TMEM161B: variants seen among roughly 807,000 people sequenced by gnomAD.
TMEM161B encodes the protein transmembrane protein 161B.
TMEM161B carries 34 observed loss-of-function variants against 61.8 expected under a neutral mutation model. That is an observed-to-expected ratio of 0.55 (90% CI 0.42 to 0.73). TMEM161B has a LOEUF of 0.73. TMEM161B is among the 30% of genes least tolerant of loss of function. TMEM161B has a pLI of 0.00. For missense variants in TMEM161B, 456 were observed against 558.5 expected (o/e 0.82, Z 1.85); for synonymous variants, 167 against 192.8 (o/e 0.87, Z 1.11).
intron 1 of TMEM161B, among the ~76,000 whole-genome samples, chr5:88,245,430 G>C (rs1333054801): frequency 6.6e-6 from 1 of 151,868 alleles, no homozygotes; most frequent in Non-Finnish European, 1.5e-5. Flanking sequence ...TGGTCTACCT[G>C]AGATTACAGA....
rs180986153 is a variant in TMEM161B at position 88,222,258 on chromosome 5, G to A, written c.290-1539C>T. 2.0e-4 allele frequency among the ~76,000 whole-genome samples: 31 copies of A among 152,148 alleles called. 1 individual carries two copies. The highest frequency in any genetic ancestry group is 6.0e-4 in the African/African-American group (25 of 41,518). ...TAATTTTTTAATTTTTTGTACAGAC[G>A]TGGTTTCACTATATTGCCCAGGCTG... On this transcript the variant is annotated intron_variant, in intron 4 of 11. Coordinates refer to ENST00000296595, the MANE Select transcript of TMEM161B (RefSeq NM_153354.5).
chr5:88,219,044 T>C (rs1265969985), intron 5 of TMEM161B, among the ~76,000 whole-genome samples: 1 of 152,094 alleles, frequency 6.6e-6, no homozygotes, highest in Non-Finnish European at 1.5e-5. Flanking sequence ...TAGGTGCACA[T>C]CAGGTGGGAA....
intron 1 of TMEM161B, among the ~76,000 whole-genome samples, chr5:88,251,930 C>T (rs1306458999): frequency 1.3e-5 from 2 of 152,238 alleles, no homozygotes; most frequent in Non-Finnish European, 2.9e-5. Flanking sequence ...GTTGATGGCT[C>T]ATAGTAGCAC....
downstream of TMEM161B, among the ~76,000 whole-genome samples, chr5:88,186,754 A>C (rs925613725): frequency 6.6e-6 from 1 of 151,902 alleles, no homozygotes; most frequent in Non-Finnish European, 1.5e-5. Flanking sequence ...AAATGGTGAA[A>C]CGTCTCTACT....
chr5:88,265,220 C>T (rs890292985), intron 1 of TMEM161B, among the ~76,000 whole-genome samples: 1 of 152,154 alleles, frequency 6.6e-6, no homozygotes, highest in African/African-American at 2.4e-5. Flanking sequence ...AGCTTGAAAA[C>T]TAGTATATTA....
intron 3 of TMEM161B, 63 bp downstream of exon 3, chr5:88,228,382 T>C (rs1200981349): frequency 8.1e-7 from 1 of 1,236,452 alleles, no homozygotes; most frequent in African/African-American, 1.5e-5. Flanking sequence ...AATCAAAGCA[T>C]AAAAATGTAT....
At position 88,199,071 on chromosome 5, in the gene TMEM161B, T is replaced by C. The variant is rs754507674; in HGVS notation, c.994A>G (p.Ser332Gly). Residue 332 changes from serine (S) to glycine (G), a missense_variant, in exon 10 of 12, where the codon AGT becomes GGT. By Grantham distance (56) the Ser-to-Gly change is moderately conservative. Coordinates refer to ENST00000296595, the MANE Select transcript of TMEM161B (RefSeq NM_153354.5). ...LCALRLAMMR[S>G]HLQAYLNLAQ... is the part of the protein sequence containing the mutation. ...AAATTTAAATAAGCTTGCAGGTGAC[T>C]ACGCATCATGGCCAACCGCAAAGCA... is the stretch of plus-strand genomic sequence containing the variant. The C allele has an allele frequency of 8.7e-6, 14 of 1,613,100 alleles. No individual in the cohort carries two copies. The highest frequency in any genetic ancestry group is 1.2e-5 in the Non-Finnish European group (14 of 1,179,496).
chr5:88,200,244 T>C (rs1744127489), intron 9 of TMEM161B: 2 of 152,136 alleles, frequency 1.3e-5, no homozygotes, highest in African/African-American at 4.8e-5. Context: ...TATTAAGTCA[T>C]GAGGGGACAT....
At chr5:88,263,792 A>G (rs1755997108) in intron 1 of TMEM161B, among the ~76,000 whole-genome samples, 1 of 152,250 alleles carries the variant, frequency 6.6e-6, no homozygotes, top group African/African-American at 2.4e-5. Flanking sequence ...CAAAGTATCA[A>G]CTAATCTTAA....
At chr5:88,225,394 C>G (rs762620652) in intron 4 of TMEM161B, among the ~76,000 whole-genome samples, 11 of 152,252 alleles carry the variant, frequency 7.2e-5, no homozygotes, top group Admixed American at 1.3e-4. Context: ...AAAGTAGGCA[C>G]CCCAACCCCT....
At chr5:88,207,240 T>A (rs1561321787) in intron 5 of TMEM161B, 60 bp from the exon 6 acceptor site, 3 of 1,480,932 alleles carry the variant, frequency 2.0e-6, no homozygotes, top group Non-Finnish European at 2.7e-6. Flanking sequence ...TACACAATGA[T>A]CTTTATAGGA....
At chr5:88,239,690 GA>G (rs1325209461) in intron 2 of TMEM161B, among the ~76,000 whole-genome samples, 2 of 151,728 alleles carry the variant, frequency 1.3e-5, no homozygotes, top group African/African-American at 2.4e-5. Context: ...AAAGCAGTCT[GA>G]ATAATATTTT....
chr5:88,264,873 A>C (rs762012305), intron 1 of TMEM161B, among the ~76,000 whole-genome samples: 3 of 151,640 alleles, frequency 2.0e-5, no homozygotes, highest in Admixed American at 6.6e-5. Flanking sequence ...CATAAGTGGG[A>C]GTTAAACAAT....
At chr5:88,230,178 C>A (rs1441534470) in intron 2 of TMEM161B, among the ~76,000 whole-genome samples, 4 of 151,774 alleles carry the variant, frequency 2.6e-5, no homozygotes, top group Non-Finnish European at 5.9e-5. Context: ...AAAGTAAGAC[C>A]CTATCTCAAA....
intron 4 of TMEM161B, chr5:88,221,857 T>C (rs946238030): frequency 3.4e-5 from 14 of 415,772 alleles, no homozygotes; most frequent in Non-Finnish European, 6.3e-5. Flanking sequence ...CAATTTTTAG[T>C]CATGAAATAT....
At chr5:88,220,500 G>A (rs146589490) in intron 5 of TMEM161B, 63 bp downstream of exon 5, 672 of 1,267,718 alleles carry the variant, frequency 5.3e-4, no homozygotes, top group African/African-American at 5.0e-3. Flanking sequence ...TCTCAAATCA[G>A]AGATGAGATC....
chr5:88,266,806 T>G (rs778083917), intron 1 of TMEM161B, among the ~76,000 whole-genome samples: 2 of 152,182 alleles, frequency 1.3e-5, no homozygotes, highest in East Asian at 3.8e-4. Context: ...ACAGACATTA[T>G]CAATTTCATA....
chr5:88,267,444 A>T (rs1756540126), intron 1 of TMEM161B, among the ~76,000 whole-genome samples: 1 of 152,202 alleles, frequency 6.6e-6, no homozygotes, highest in Non-Finnish European at 1.5e-5. Flanking sequence ...TAAGTTTCTA[A>T]AAGTCATTCA....
At chr5:88,222,450 A>G (rs576807551) in intron 4 of TMEM161B, among the ~76,000 whole-genome samples, 1 of 151,948 alleles carries the variant, frequency 6.6e-6, no homozygotes, top group African/African-American at 2.4e-5. Flanking sequence ...CAGGATGCTT[A>G]CCCTCAATCC....
Sources: gnomAD v4.1 joint callset for allele counts (sites outside exome capture counted in the v4.1 genomes callset) on GRCh38, gnomAD v4.1.1 for gene constraint, MANE v1.5 for transcripts, NCBI Gene and HGNC (gene_info 2026-07-23, HGNC 2026-07-21) for gene names.